HGFAC: variants seen among roughly 807,000 people sequenced by gnomAD.
HGFAC encodes hepatocyte growth factor activator serine protease.
A neutral mutation model predicts 70.6 loss-of-function variants in HGFAC; 76 were observed. The ratio of observed to expected loss-of-function variants is 1.08; its 90% confidence interval spans 0.89 to 1.30. HGFAC has a LOEUF of 1.30. Ranked by LOEUF, HGFAC falls within the 50% of genes most tolerant of loss-of-function variation. The pLI, the probability that HGFAC is intolerant of heterozygous loss-of-function variation, is 0.00. For missense variants in HGFAC, 1,044 were observed against 933.7 expected, an observed-to-expected ratio of 1.12 and a Z score of -1.54; for synonymous variants, 464 against 405.3, an observed-to-expected ratio of 1.14 and a Z score of -1.74.
At position 3,449,234 on chromosome 4, in the gene HGFAC, C is replaced by G; in HGVS notation, c.1786-3C>G. On this transcript the variant is annotated splice_region_variant and splice_polypyrimidine_tract_variant and intron_variant, in intron 13 of 13. Transcript: ENST00000382774. ...GGTGGCTCTGACCAACGTCTCTGCCCAGGGGGACTCAGGGGGGCCCCTGGC... is the reference window on the plus strand; with the variant it reads ...GGTGGCTCTGACCAACGTCTCTGCCGAGGGGGACTCAGGGGGGCCCCTGGC... The G allele has an allele frequency of 6.2e-7, 1 of 1,611,128 alleles. No homozygotes were observed. Among genetic ancestry groups the G allele is most frequent in the Non-Finnish European group, 8.5e-7 (1 of 1,179,014 alleles).
chr4:3,445,006 C>A lies in HGFAC; in HGVS notation c.1016+13C>A. 1 of 1,549,126 alleles carries A rather than the reference C, an allele frequency of 6.5e-7. No homozygotes were observed. Among genetic ancestry groups the A allele is most frequent in the South Asian group, 1.2e-5 (1 of 81,290 alleles). ...ATGCCTACTGCCGGTCAGCACCACG[C>A]CGCTCCAGGCCGCCGCATGCGGGGC... On this transcript the variant is annotated intron_variant, in intron 8 of 13. Transcript: ENST00000382774.
At chr4:3,447,198 C>T (rs1371926047) in intron 10 of HGFAC, among the ~76,000 whole-genome samples, 1 of 152,188 alleles carries the variant, frequency 6.6e-6, no homozygotes, top group Admixed American at 6.5e-5. Context: ...GCAGCCGATC[C>T]TGCCTGGGCT....
At chr4:3,448,798 C>T (rs1464062351) in intron 13 of HGFAC, among the ~76,000 whole-genome samples, 3 of 151,828 alleles carry the variant, frequency 2.0e-5, no homozygotes, top group East Asian at 2.0e-4. Flanking sequence ...TCAATTCACT[C>T]TTCCAAGGCC....
In HGFAC at chr4:3,442,075, T is replaced by A. The variant is rs1221607818; in HGVS notation, c.74T>A (p.Leu25Gln). Residue 25 changes from leucine to glutamine, a missense_variant, in exon 1 of 14, where the codon CTG (leucine) becomes CAG (glutamine). Leu to Gln is a moderately radical substitution (Grantham distance 113, BLOSUM62 -2). Transcript: ENST00000382774. ...GGCCCCTTCCTCCTCCTCCTCCTGC[T>A]GCTGCTGCTGCTGCCACGGGGGTTC... ...GLGPFLLLLL[L>Q]LLLLPRGFQP... is the part of the protein sequence containing the mutation. The A allele has an allele frequency of 1.5e-5, 23 of 1,554,678 alleles. No individual in the cohort carries two copies. The highest frequency in any genetic ancestry group is 1.9e-5 in the Non-Finnish European group (22 of 1,162,398).
intron 1 of HGFAC, among the ~76,000 whole-genome samples, chr4:3,442,319 C>G (rs774635433): frequency 2.6e-5 from 4 of 152,110 alleles, no homozygotes; most frequent in Non-Finnish European, 5.9e-5. Context: ...CCTGGGCTCA[C>G]GGAGCCCCAC....
Position 3,445,261 on chromosome 4 carries a change from G to T in HGFAC, c.1017-4G>T. The stretch of plus-strand genomic sequence containing the variant: ...CCCTGCCAGCCCCCACTTATGCACC[G>T]CAGGAATCCGGACAATGACGAGAGG... On this transcript the variant is annotated splice_polypyrimidine_tract_variant and splice_region_variant and intron_variant, in intron 8 of 13. Transcript: ENST00000382774. 2 of 1,569,520 alleles carry T rather than the reference G, an allele frequency of 1.3e-6. No homozygotes were observed. Among genetic ancestry groups the T allele is most frequent in the East Asian group, 2.4e-5 (1 of 41,982 alleles).
intron 13 of HGFAC, 96 bp downstream of exon 13, chr4:3,448,372 C>T (rs567019935): frequency 1.2e-4 from 168 of 1,437,220 alleles, no homozygotes; most frequent in South Asian, 1.0e-3. Context: ...CAGAGCCTGG[C>T]GGCACCCCAA....
Position 3,445,298 on chromosome 4 carries a change from C to A in HGFAC, c.1050C>A (p.Tyr350Ter). The change falls in exon 9 of 14, where the codon TAC becomes TAA. Residue 350 changes from tyrosine to a stop codon, truncating the protein, a stop_gained. Coordinates refer to ENST00000382774, the MANE Select transcript of HGFAC (RefSeq NM_001528.4). LOFTEE classifies it high-confidence loss of function. ...ACAATGACGAGAGGCCCTGGTGCTA[C>A]GTGGTGAAGGACAGCGCGCTCTCCT... is the stretch of plus-strand genomic sequence containing the variant. ...NPDNDERPWCYVVKDSALSWE... is the reference protein window; with the variant it reads ...NPDNDERPWC The A allele has an allele frequency of 1.3e-6, 2 of 1,588,888 alleles. No homozygotes were observed. The highest frequency in any genetic ancestry group is 1.7e-6 in the Non-Finnish European group (2 of 1,168,648).
upstream of HGFAC, among the ~76,000 whole-genome samples, chr4:3,441,088 C>T (rs369502552): frequency 1.7e-4 from 26 of 152,140 alleles, no homozygotes. The surrounding 1 kb of genome is among the most constrained non-coding windows in gnomAD (Gnocchi z 6.0). Context: ...GGTGCCGTAG[C>T]GGCTGCTCCA....
rs765890557 is a variant in HGFAC, at chr4:3,446,196, C to A, written c.1257C>A (p.His419Gln). Residue 419 changes from histidine (H) to glutamine (Q), a missense_variant, in exon 10 of 14, where the codon CAC becomes CAA. Physicochemically the swap from His to Gln is conservative, Grantham distance 24 (BLOSUM62 0). Coordinates refer to ENST00000382774, the MANE Select transcript of HGFAC (RefSeq NM_001528.4). ...IGGSSSLPGSHPWLAAIYIGD... is the reference protein window; with the variant it reads ...IGGSSSLPGSQPWLAAIYIGD... ...GCTCCTCCTCGCTGCCCGGCTCGCACCCCTGGCTGGCCGCCATCTACATCG... is the reference window on the plus strand; with the variant it reads ...GCTCCTCCTCGCTGCCCGGCTCGCAACCCTGGCTGGCCGCCATCTACATCG... The A allele has an allele frequency of 6.2e-7, 1 of 1,611,228 alleles. No homozygotes were observed. Among genetic ancestry groups the A allele is most frequent in the South Asian group, 1.1e-5 (1 of 90,790 alleles).
chr4:3,446,185 C>T lies in HGFAC; in HGVS notation c.1246C>T (p.Pro416Ser). The change falls in exon 10 of 14, where the codon CCC becomes TCC. Residue 416 changes from proline to serine, a missense_variant. Pro to Ser is a moderately conservative substitution (Grantham distance 74). Coordinates refer to ENST00000382774, the MANE Select transcript of HGFAC (RefSeq NM_001528.4). ...PRIIGGSSSLPGSHPWLAAIY... is the reference protein window; with the variant it reads ...PRIIGGSSSLSGSHPWLAAIY... ...TATCATCGGCGGCTCCTCCTCGCTG[C>T]CCGGCTCGCACCCCTGGCTGGCCGC... 6.2e-7 allele frequency: 1 copy of T among 1,611,168 alleles called. No individual in the cohort carries two copies. The highest frequency in any genetic ancestry group is 2.2e-5 in the East Asian group (1 of 44,840).
At position 3,444,638 on chromosome 4, in the gene HGFAC, C is replaced by G. The variant is rs764093081; in HGVS notation, c.746C>G (p.Pro249Arg). 6.3e-5 allele frequency: 100 copies of G among 1,596,280 alleles called. 1 individual carries two copies. The highest frequency in any genetic ancestry group is 7.6e-6 in the Non-Finnish European group (9 of 1,177,476). Reference sequence around the variant, plus strand: ...CTGCCCCCAGCTTGTCTGAGCAGCCCTTGCCTGAACGGGGGCACCTGCCAC... The same window carrying G: ...CTGCCCCCAGCTTGTCTGAGCAGCCGTTGCCTGAACGGGGGCACCTGCCAC... ...GTRHTACLSS[P>R]CLNGGTCHLI... Residue 249 changes from proline to arginine, a missense_variant, in exon 7 of 14, where the codon CCT becomes CGT. Coordinates refer to ENST00000382774, the MANE Select transcript of HGFAC (RefSeq NM_001528.4).
At chr4:3,445,760 T>G (rs1466745340) in intron 9 of HGFAC, 1 of 1,029,356 alleles carries the variant, frequency 9.7e-7, no homozygotes, top group Non-Finnish European at 1.4e-6. Flanking sequence ...TCTCTGACTG[T>G]GCTGGGGCTG....
chr4:3,445,461 G>C (rs1577125726), intron 9 of HGFAC, 111 bp downstream of exon 9: 1 of 796,498 alleles, frequency 1.3e-6, no homozygotes, highest in African/African-American at 1.7e-5. Context: ...CTGACAAATG[G>C]GGAAACTGGA....
Position 3,442,058 on chromosome 4 carries a change from C to T in HGFAC, c.57C>T (p.Phe19=), listed in dbSNP as rs761647542. 2.0e-6 allele frequency: 3 copies of T among 1,525,648 alleles called. No individual in the cohort carries two copies. Among genetic ancestry groups the T allele is most frequent in the Admixed American group, 4.3e-5 (2 of 46,376 alleles). The allele number at this position is 1,525,648 out of a possible 1,614,324, so 94.5% of individuals were successfully genotyped here. ...GGCCCCCACCGGGGCTGGGCCCCTT[C>T]CTCCTCCTCCTCCTGCTGCTGCTGC... ...SPWPPPGLGP[F]LLLLLLLLLL... Residue 19 remains phenylalanine, a synonymous_variant, in exon 1 of 14, where the codon TTC becomes TTT. Coordinates refer to ENST00000382774, the MANE Select transcript of HGFAC (RefSeq NM_001528.4).
chr4:3,447,506 G>C lies in HGFAC; in HGVS notation c.1370G>C (p.Ser457Thr). The C allele has an allele frequency of 6.2e-7, 1 of 1,612,626 alleles. No homozygotes were observed. The highest frequency in any genetic ancestry group is 8.5e-7 in the Non-Finnish European group (1 of 1,179,874). The change falls in exon 11 of 14, where the codon AGC becomes ACC. Residue 457 changes from serine (S) to threonine (T), a missense_variant. Coordinates refer to ENST00000382774, the MANE Select transcript of HGFAC (RefSeq NM_001528.4). ...HCFSHSPPRDSVSVVLGQHFF... is the reference protein window; with the variant it reads ...HCFSHSPPRDTVSVVLGQHFF... Reference sequence around the variant, plus strand: ...CCCTTGCACAGCCCCCCCAGGGACAGCGTCTCCGTGGTGCTGGGCCAGCAC... The same window carrying C: ...CCCTTGCACAGCCCCCCCAGGGACACCGTCTCCGTGGTGCTGGGCCAGCAC...
rs759678201 is a variant in HGFAC at position 3,444,078 on chromosome 4, G to A, written c.515G>A (p.Gly172Glu). 7.4e-6 allele frequency: 12 copies of A among 1,610,898 alleles called. No individual in the cohort carries two copies. The highest frequency in any genetic ancestry group is 2.7e-5 in the African/African-American group (2 of 74,888). The change falls in exon 5 of 14, where the codon GGA (glycine) becomes GAA (glutamate). Residue 172 changes from glycine (G) to glutamate (E), a missense_variant. Physicochemically the swap from Gly to Glu is moderately conservative, Grantham distance 98. Coordinates refer to ENST00000382774, the MANE Select transcript of HGFAC (RefSeq NM_001528.4). ...DPCASGPCLN[G>E]GSCSNTQDPQ... ...TGTGCCTCCGGCCCCTGCCTCAATG[G>A]AGGCTCCTGCTCCAATACCCAGGAC...
Position 3,443,058 on chromosome 4 carries a change from G to C in HGFAC, c.307G>C (p.Glu103Gln). 2 of 1,598,626 alleles carry C rather than the reference G, an allele frequency of 1.3e-6. No homozygotes were observed. Among genetic ancestry groups the C allele is most frequent in the Non-Finnish European group, 1.7e-6 (2 of 1,178,286 alleles). The part of the protein sequence containing the change: ...SSSPQAQALT[E>Q]DGRPCRFPFR... ...CCACCCCCTCCCCACAGCACTCACC[G>C]AGGACGGGAGGCCCTGCAGGTTCCC... The change falls in exon 3 of 14, where the codon GAG becomes CAG. Residue 103 changes from glutamate to glutamine, a missense_variant. By Grantham distance (29) the Glu-to-Gln change is conservative (BLOSUM62 2). Transcript: ENST00000382774.
At position 3,442,729 on chromosome 4, in the gene HGFAC, TAGAACCGTACGG is replaced by T; in HGVS notation, c.118_129del (p.Asn40_Glu43del). 1 of 1,491,518 alleles carries T rather than the reference TAGAACCGTACGG, an allele frequency of 6.7e-7. No individual in the cohort carries two copies. Among genetic ancestry groups the T allele is most frequent in the Non-Finnish European group, 8.9e-7 (1 of 1,122,486 alleles). The allele number at this position is 1,491,518 out of a possible 1,614,324, so 92.4% of individuals were successfully genotyped here. On this transcript the variant is annotated splice_acceptor_variant and coding_sequence_variant, in exon 2 of 14. Coordinates refer to ENST00000382774, the MANE Select transcript of HGFAC (RefSeq NM_001528.4). LOFTEE classifies it high-confidence loss of function. Reference sequence around the variant, plus strand: ...ACACTGACACCCTTTCTGCTCCTCCTAGAACCGTACGGAGTCCCCAGAACCTAATGCCACAGC... The same window carrying T: ...ACACTGACACCCTTTCTGCTCCTCCTAGTCCCCAGAACCTAATGCCACAGC...
Sources: allele counts gnomAD v4.1 joint callset (sites outside exome capture counted in the v4.1 genomes callset), GRCh38; gene constraint gnomAD v4.1.1; non-coding constraint Gnocchi (gnomAD v3.1); transcripts MANE v1.5; gene names NCBI Gene and HGNC (gene_info 2026-07-23, HGNC 2026-07-21).